Variants in ZMYM2 observed in about 807,000 individuals in gnomAD.
The protein encoded by ZMYM2 is zinc finger MYM-type containing 2.
A neutral mutation model predicts 162.8 loss-of-function variants in ZMYM2; 56 were observed. That is an observed-to-expected ratio of 0.34 (90% confidence interval 0.28 to 0.43). The LOEUF (loss-of-function observed/expected upper bound fraction) is 0.43. ZMYM2 is among the 20% of genes least tolerant of loss of function. The pLI, the probability that ZMYM2 is intolerant of heterozygous loss-of-function variation, is 1.00. For synonymous variants in ZMYM2, 510 were observed against 541.6 expected (o/e 0.94, Z 0.81); for missense variants, 1,275 against 1,621.8 (o/e 0.79, Z 3.67).
At chr13:19,926,082 T>C in the ZMYM2 span, among the ~76,000 whole-genome samples, 1 of 151,096 alleles carries the variant, frequency 6.6e-6, no homozygotes, top group Non-Finnish European at 1.5e-5. Context: ...CCTCTCAGCC[T>C]CCCGAGTAGC....
At chr13:19,888,060 T>C in the ZMYM2 span, among the ~76,000 whole-genome samples, 1 of 151,810 alleles carries the variant, frequency 6.6e-6, no homozygotes, top group Non-Finnish European at 1.5e-5. Context: ...TTGTCTTTTA[T>C]GTAGAGACGG....
chr13:19,927,565 C>A, the ZMYM2 span, among the ~76,000 whole-genome samples: 14 of 152,278 alleles, frequency 9.2e-5, no homozygotes, highest in Middle Eastern at 3.4e-3. Context: ...GATGTTGGGT[C>A]ATTTCCAGTT....
intron 17 of ZMYM2, 147 bp downstream of exon 17, chr13:20,061,371 A>ATGGTACGGCGACCACC: frequency 1.4e-6 from 1 of 695,012 alleles, no homozygotes; most frequent in Non-Finnish European, 2.0e-6. Context: ...TTTTATATTA[A>ATGGTACGGCGACCACC]GAGATCTACA....
chr13:19,921,269 A>G, the ZMYM2 span, among the ~76,000 whole-genome samples: 1 of 152,082 alleles, frequency 6.6e-6, no homozygotes, highest in Non-Finnish European at 1.5e-5. Context: ...CCACTGGAGT[A>G]GCTGGGGTTA....
chr13:19,918,495 CTTTTTTTTT>C, the ZMYM2 span, among the ~76,000 whole-genome samples: 6 of 107,504 alleles, frequency 5.6e-5, no homozygotes, highest in African/African-American at 2.1e-4. Context: ...TTCTTTCTTT[CTTTTTTTTT>C]TTTTTTTTTT....
At chr13:20,028,289 T>G (rs1952765835) in intron 9 of ZMYM2, among the ~76,000 whole-genome samples, 1 of 152,090 alleles carries the variant, frequency 6.6e-6, no homozygotes, top group African/African-American at 2.4e-5. Flanking sequence ...ATCCTTACAG[T>G]GGTAGATATT....
intron 22 of ZMYM2, 65 bp downstream of exon 22, chr13:20,082,195 G>A: frequency 1.7e-6 from 2 of 1,183,852 alleles, no homozygotes; most frequent in East Asian, 2.7e-5. Context: ...TACAGAGTAT[G>A]TTTGAAAATA....
the ZMYM2 span, among the ~76,000 whole-genome samples, chr13:19,921,201 A>G: frequency 6.6e-6 from 1 of 152,014 alleles, no homozygotes; most frequent in Non-Finnish European, 1.5e-5. Context: ...GTGCAATGGC[A>G]TAATCTCTGA....
rs10642086 is a variant in ZMYM2, at chr13:20,031,865, G to GTTTT, written c.1968+444_1968+447dup. 8.8e-4 allele frequency among the ~76,000 whole-genome samples: 115 copies of GTTTT among 130,250 alleles called. 2 individuals carry two copies. Among genetic ancestry groups the GTTTT allele is most frequent in the Middle Eastern group, 4.9e-3 (1 of 204 alleles). 85.4% of individuals were successfully genotyped at this position (130,250 alleles called of 152,430 possible). On this transcript the variant is annotated intron_variant, in intron 10 of 24. Transcript: ENST00000610343. Reference sequence around the variant, plus strand: ...TATAAAATGATACAATTCTGTAATTGTTTTTTTTTTTTTTTTTCTTTTTTT... The same window carrying GTTTT: ...TATAAAATGATACAATTCTGTAATTGTTTTTTTTTTTTTTTTTTTTTCTTTTTTT...
intron 14 of ZMYM2, among the ~76,000 whole-genome samples, chr13:20,055,215 G>T (rs1238896517): frequency 6.6e-6 from 1 of 152,102 alleles, no homozygotes; most frequent in Non-Finnish European, 1.5e-5. Flanking sequence ...TAATTGTGCA[G>T]TCAGTCCTCA....
At chr13:19,972,198 A>G (rs1345724715) in intron 2 of ZMYM2, among the ~76,000 whole-genome samples, 1 of 152,186 alleles carries the variant, frequency 6.6e-6, no homozygotes, top group Admixed American at 6.5e-5. Flanking sequence ...AGCTGAGTAC[A>G]TGAATTAAAT....
At chr13:20,065,307 A>G (rs531708125) in intron 19 of ZMYM2, among the ~76,000 whole-genome samples, 1 of 152,230 alleles carries the variant, frequency 6.6e-6, no homozygotes, top group South Asian at 2.1e-4. Context: ...TTAACTCAAA[A>G]TGAGCCATAG....
chr13:19,885,952 C>T, the ZMYM2 span, among the ~76,000 whole-genome samples: 3,007 of 88,910 alleles, frequency 0.034, 1,157 homozygotes, highest in African/African-American at 0.068. Context: ...TATGTATATA[C>T]ACATATATAT....
intron 24 of ZMYM2, among the ~76,000 whole-genome samples, chr13:20,084,922 T>C (rs1361947340): frequency 2.0e-5 from 3 of 152,320 alleles, no homozygotes; most frequent in South Asian, 2.1e-4. Context: ...ATGCGCCTTA[T>C]CCAAAATGCT....
intron 7 of ZMYM2, 161 bp from the exon 8 acceptor site, chr13:20,026,451 A>C: frequency 1.7e-6 from 1 of 579,416 alleles, no homozygotes; most frequent in Non-Finnish European, 2.9e-6. Flanking sequence ...CAGTTGTTGC[A>C]TAGTTAATAG....
At chr13:19,967,310 T>C (rs1594062754) in intron 2 of ZMYM2, among the ~76,000 whole-genome samples, 1 of 152,264 alleles carries the variant, frequency 6.6e-6, no homozygotes, top group East Asian at 1.9e-4. Context: ...TCTAGAGATA[T>C]ATGAGGGCCT....
intron 14 of ZMYM2, among the ~76,000 whole-genome samples, chr13:20,056,582 G>A (rs1389123995): frequency 6.6e-6 from 1 of 152,112 alleles, no homozygotes; most frequent in African/African-American, 2.4e-5. Flanking sequence ...GTCACAATAT[G>A]CATCTTCTTG....
At chr13:19,873,041 C>T in the ZMYM2 span, among the ~76,000 whole-genome samples, 3 of 152,030 alleles carry the variant, frequency 2.0e-5, no homozygotes, top group Non-Finnish European at 4.4e-5. Flanking sequence ...TAGGCACATA[C>T]TTAATTTTGG....
chr13:19,985,043 T>C (rs12865028), intron 2 of ZMYM2, among the ~76,000 whole-genome samples: 35,311 of 152,182 alleles, frequency 0.23, 5,079 homozygotes, highest in Admixed American at 0.32. Flanking sequence ...TGAGCTGTTA[T>C]CTCATTTCTG....
Sources: gnomAD v4.1 joint callset for allele counts (sites outside exome capture counted in the v4.1 genomes callset) on GRCh38, gnomAD v4.1.1 for gene constraint, MANE v1.5 for transcripts, NCBI Gene and HGNC (gene_info 2026-07-23, HGNC 2026-07-21) for gene names.